Variants in CRADD observed in about 807,000 individuals in gnomAD.
The protein encoded by CRADD is CARD and death domain containing adaptor protein, also known as death domain-containing protein CRADD.
CRADD carries 9 observed loss-of-function variants against 15.5 expected under a neutral mutation model. The ratio of observed to expected loss-of-function variants is 0.58; its 90% CI spans 0.35 to 1.01. CRADD has a LOEUF of 1.01. CRADD is among the 50% of genes least tolerant of loss of function. CRADD has a pLI of 0.02. For synonymous variants in CRADD, 118 were observed against 107.6 expected, an observed-to-expected ratio of 1.10 and a Z score of -0.60; for missense variants, 227 against 250.3, an observed-to-expected ratio of 0.91 and a Z score of 0.63.
intron 2 of CRADD, among the ~76,000 whole-genome samples, chr12:93,878,096 C>CTGAA (rs1755905070): frequency 6.6e-6 from 1 of 152,264 alleles, no homozygotes; most frequent in South Asian, 2.1e-4. Context: ...GGGTCCTTTC[C>CTGAA]TTCAAGTAAG....
chr12:93,753,537 A>G (rs1956854575), intron 2 of CRADD, among the ~76,000 whole-genome samples: 1 of 152,212 alleles, frequency 6.6e-6, no homozygotes, highest in African/African-American at 2.4e-5. Flanking sequence ...ATCAAAAGTA[A>G]GTTAGTTACT....
At chr12:93,743,133 A>T (rs927484104) in intron 2 of CRADD, among the ~76,000 whole-genome samples, 5 of 152,228 alleles carry the variant, frequency 3.3e-5, no homozygotes, top group Non-Finnish European at 5.9e-5. Context: ...GTATAGAGTA[A>T]TAGTAACTTA....
intron 2 of CRADD, among the ~76,000 whole-genome samples, chr12:93,839,625 A>G (rs76889704): frequency 0.035 from 5,385 of 152,292 alleles, 340 homozygotes; most frequent in African/African-American, 0.12. Context: ...CTAGATTTCT[A>G]TACATATAAA....
At chr12:93,754,135 G>T (rs1000217240) in intron 2 of CRADD, among the ~76,000 whole-genome samples, 2 of 152,214 alleles carry the variant, frequency 1.3e-5, no homozygotes, top group Middle Eastern at 3.2e-3. Flanking sequence ...TGTGGAAACT[G>T]CCAAGGCTTG....
downstream of CRADD, among the ~76,000 whole-genome samples, chr12:93,851,293 G>T (rs1958218838): frequency 6.6e-6 from 1 of 152,170 alleles, no homozygotes. Flanking sequence ...CAGGGTGAAT[G>T]AGGTTGGGTG....
chr12:93,842,003 A>T (rs191283014), intron 2 of CRADD, among the ~76,000 whole-genome samples: 2 of 152,326 alleles, frequency 1.3e-5, no homozygotes, highest in East Asian at 3.9e-4. Context: ...TAAATAAAAA[A>T]AAATACCTGC....
At position 93,789,591 on chromosome 12, in the gene CRADD, T is replaced by A. The variant is rs576395082; in HGVS notation, c.299-60379T>A. ...CTCAGTGTTTGCTGGAGATGAGGCA[T>A]AGAGTGTGGTGGAAGGGAGGGATGA... On this transcript the variant is annotated intron_variant, in intron 2 of 2. Transcript: ENST00000332896. Among the ~76,000 whole-genome samples the A allele has an allele frequency of 7.9e-4, 120 of 152,198 alleles. 1 individual carries two copies. Among genetic ancestry groups the A allele is most frequent in the African/African-American group, 2.9e-3 (119 of 41,534 alleles).
chr12:93,709,361 G>A (rs538234277), intron 2 of CRADD, among the ~76,000 whole-genome samples: 2 of 152,162 alleles, frequency 1.3e-5, no homozygotes, highest in African/African-American at 4.8e-5. Context: ...CATCACCCAG[G>A]TATTAAGCCC....
At chr12:93,779,193 T>C (rs1957172469) in intron 2 of CRADD, among the ~76,000 whole-genome samples, 1 of 152,210 alleles carries the variant, frequency 6.6e-6, no homozygotes, top group Non-Finnish European at 1.5e-5. Flanking sequence ...CATAGAAACA[T>C]AGATGTTTCA....
chr12:93,858,618 C>G (rs1428188984), intron 2 of CRADD, among the ~76,000 whole-genome samples: 1 of 152,226 alleles, frequency 6.6e-6, no homozygotes, highest in Non-Finnish European at 1.5e-5. Context: ...GCTGCCCGCT[C>G]TGTCTCTCAC....
At chr12:93,780,252 A>G (rs35351849) in intron 2 of CRADD, among the ~76,000 whole-genome samples, 28,995 of 152,230 alleles carry the variant, frequency 0.19, 3,486 homozygotes, top group East Asian at 0.41. Context: ...ACATAAACAT[A>G]GTTAAGGATA....
intron 2 of CRADD, among the ~76,000 whole-genome samples, chr12:93,778,602 C>A (rs959625427): frequency 2.0e-5 from 3 of 152,042 alleles, no homozygotes; most frequent in African/African-American, 7.3e-5. Context: ...TCATTCAGTA[C>A]GTGAAGAATA....
At chr12:93,712,833 T>C (rs1956097667) in intron 2 of CRADD, among the ~76,000 whole-genome samples, 2 of 152,146 alleles carry the variant, frequency 1.3e-5, no homozygotes, top group Non-Finnish European at 1.5e-5. Context: ...CTTAGGACAG[T>C]GTTGTTTAGT....
At chr12:93,868,000 G>C (rs1316074859) in intron 2 of CRADD, among the ~76,000 whole-genome samples, 1 of 152,176 alleles carries the variant, frequency 6.6e-6, no homozygotes, top group Non-Finnish European at 1.5e-5. Context: ...TTATGGGAAA[G>C]ATTTAAAGTT....
chr12:93,753,252 A>C (rs1200026539), intron 2 of CRADD, among the ~76,000 whole-genome samples: 1 of 151,052 alleles, frequency 6.6e-6, no homozygotes, highest in East Asian at 1.9e-4. Context: ...GGAAAAACCC[A>C]CCTCCATGAT....
At chr12:93,834,060 T>C (rs1957945694) in intron 2 of CRADD, among the ~76,000 whole-genome samples, 1 of 152,146 alleles carries the variant, frequency 6.6e-6, no homozygotes, top group South Asian at 2.1e-4. Flanking sequence ...GGTGCTCATG[T>C]TAATGTGGTG....
At chr12:93,814,568 G>A (rs934415929) in intron 2 of CRADD, among the ~76,000 whole-genome samples, 5 of 152,356 alleles carry the variant, frequency 3.3e-5, no homozygotes, top group African/African-American at 1.2e-4. Flanking sequence ...GTTAGAATCA[G>A]AAGTGTTGCA....
At chr12:93,813,808 G>A (rs886957813) in intron 2 of CRADD, among the ~76,000 whole-genome samples, 1 of 152,076 alleles carries the variant, frequency 6.6e-6, no homozygotes, top group African/African-American at 2.4e-5. Context: ...TAGAGCTGCC[G>A]AGGAAACGGA....
chr12:93,827,030 G>A (rs1002072361), intron 2 of CRADD, among the ~76,000 whole-genome samples: 3 of 152,118 alleles, frequency 2.0e-5, no homozygotes, highest in African/African-American at 4.8e-5. Context: ...GGGACAAGAA[G>A]GGGACAAAAT....
Sources: gnomAD v4.1 joint callset for allele counts (sites outside exome capture counted in the v4.1 genomes callset) on GRCh38, gnomAD v4.1.1 for gene constraint, MANE v1.5 for transcripts, NCBI Gene and HGNC (gene_info 2026-07-23, HGNC 2026-07-21) for gene names.